The following PDE4D variants were observed in gnomAD, a reference collection of about 807,000 sequenced individuals.
PDE4D encodes the protein 3',5'-cyclic-AMP phosphodiesterase 4D.
In PDE4D, 24 loss-of-function variants were observed where a neutral mutation model predicts 87.4. The observed-to-expected ratio is 0.27, with a 90% CI of 0.20 to 0.39. PDE4D has a LOEUF of 0.39. Among genes scored for constraint, PDE4D ranks in the 10% least tolerant of loss-of-function variants. PDE4D has a pLI of 1.00. For missense variants in PDE4D, 714 were observed against 1,041.0 expected (o/e 0.69, Z 4.32); for synonymous variants, 384 against 383.2 (o/e 1.00, Z -0.02).
intron 1 of PDE4D, among the ~76,000 whole-genome samples, chr5:59,524,717 A>G (rs1437125864): frequency 6.6e-6 from 1 of 152,090 alleles, no homozygotes. Context: ...AGGAGGAAAG[A>G]CTTTATTTTG....
chr5:59,317,229 C>T (rs1457761178), intron 1 of PDE4D, among the ~76,000 whole-genome samples: 1 of 152,146 alleles, frequency 6.6e-6, no homozygotes, highest in Non-Finnish European at 1.5e-5. Flanking sequence ...GGGAAAACCC[C>T]AGCCAAGGAA....
intron 1 of PDE4D, among the ~76,000 whole-genome samples, chr5:59,385,038 C>T (rs1419665794): frequency 6.6e-6 from 1 of 152,160 alleles, no homozygotes; most frequent in Non-Finnish European, 1.5e-5. Context: ...AAATGGTACT[C>T]ATATCTGCCA....
intron 1 of PDE4D, among the ~76,000 whole-genome samples, chr5:59,761,003 A>G (rs1006684930): frequency 1.3e-5 from 2 of 152,152 alleles, no homozygotes; most frequent in South Asian, 4.1e-4. Context: ...TCATTAGGCA[A>G]TTTCATCATT....
chr5:59,261,895 GA>G (rs1762069859), intron 1 of PDE4D, among the ~76,000 whole-genome samples: 1 of 151,762 alleles, frequency 6.6e-6, no homozygotes, highest in Non-Finnish European at 1.5e-5. Context: ...AGGCCAGTAA[GA>G]AAAGAAAATA....
Position 60,459,849 on chromosome 5 carries a change from G to A in PDE4D, c.-90+28093C>T, listed in dbSNP as rs1454085385. ...AAAGTTGGAACCTATCAGTGTTCTA[G>A]TAATCTTTTCCTTCATCCTTCTCTC... On this transcript the variant is annotated intron_variant, in intron 1 of 16. Transcript: ENST00000502484. 6.6e-6 allele frequency: 4 copies of A among 608,192 alleles called. No individual in the cohort carries two copies. In the African/African-American group the frequency reaches 7.5e-5, roughly 11 times the overall value. 37.7% of individuals were successfully genotyped at this position (608,192 alleles called of 1,614,324 possible). A position where few individuals can be genotyped will look rare whatever the true frequency, so the allele number is the denominator to read the frequency against.
intron 1 of PDE4D, among the ~76,000 whole-genome samples, chr5:59,590,121 A>C (rs1447474124): frequency 6.6e-6 from 1 of 152,210 alleles, no homozygotes; most frequent in African/African-American, 2.4e-5. Flanking sequence ...TTGCTTAGAA[A>C]ATAGAAATAA....
intron 2 of PDE4D, among the ~76,000 whole-genome samples, chr5:60,099,616 A>C (rs1287801549): frequency 6.6e-6 from 1 of 151,986 alleles, no homozygotes; most frequent in Non-Finnish European, 1.5e-5. Context: ...AGAAAGAAAA[A>C]CAAATGGTTA....
chr5:59,609,355 A>G (rs1271368114), intron 1 of PDE4D, among the ~76,000 whole-genome samples: 1 of 116,338 alleles, frequency 8.6e-6, no homozygotes, highest in Non-Finnish European at 1.9e-5. Flanking sequence ...AGAAACACGT[A>G]TATCTCTCTA....
chr5:60,014,091 T>C (rs569693027), intron 2 of PDE4D, among the ~76,000 whole-genome samples: 36 of 96,458 alleles, frequency 3.7e-4, no homozygotes, highest in African/African-American at 1.4e-3. Flanking sequence ...GACTCCACCT[T>C]AAAAAAAAAA....
intron 1 of PDE4D, among the ~76,000 whole-genome samples, chr5:59,877,479 TAAAAAAAAAAAA>T (rs70975344): frequency 9.8e-6 from 1 of 102,396 alleles, no homozygotes; most frequent in Non-Finnish European, 2.0e-5. Context: ...TGCCAGAACC[TAAAAAAAAAAAA>T]AAAAAAAAAG....
intron 1 of PDE4D, among the ~76,000 whole-genome samples, chr5:60,430,535 GTTT>G (rs367558098): frequency 6.2e-5 from 8 of 128,104 alleles, no homozygotes; most frequent in Non-Finnish European, 1.0e-4. Flanking sequence ...TTTGTGTTTT[GTTT>G]TTTTTTGTTT....
chr5:60,444,956 T>C (rs1745528796), intron 1 of PDE4D, among the ~76,000 whole-genome samples: 1 of 151,550 alleles, frequency 6.6e-6, no homozygotes, highest in Non-Finnish European at 1.5e-5. Context: ...ACAAACACTC[T>C]GAAGTTCAGA....
At chr5:59,929,319 G>A (rs1755634297) in intron 3 of PDE4D, among the ~76,000 whole-genome samples, 1 of 139,332 alleles carries the variant, frequency 7.2e-6, no homozygotes, top group South Asian at 2.3e-4. Context: ...AATCTCTGAG[G>A]AACCCAATCT....
intron 1 of PDE4D, among the ~76,000 whole-genome samples, chr5:59,344,758 G>T (rs746550628): frequency 5.9e-5 from 9 of 151,984 alleles, no homozygotes; most frequent in African/African-American, 9.7e-5. Context: ...GTGATATATT[G>T]TTTCACATCA....
chr5:59,356,921 C>T (rs1582136285), intron 1 of PDE4D: 1 of 1,448,778 alleles, frequency 6.9e-7, no homozygotes, highest in Non-Finnish European at 9.0e-7. Flanking sequence ...GCCCTGAGGC[C>T]CCGCACGGAG....
chr5:59,955,448 T>C (rs1758722857), intron 3 of PDE4D, among the ~76,000 whole-genome samples: 1 of 152,022 alleles, frequency 6.6e-6, no homozygotes, highest in African/African-American at 2.4e-5. Context: ...TGCTGCCCCA[T>C]CCAAATCCAT....
At chr5:59,780,743 G>A (rs1053899888) in intron 1 of PDE4D, among the ~76,000 whole-genome samples, 1 of 152,210 alleles carries the variant, frequency 6.6e-6, no homozygotes, top group African/African-American at 2.4e-5. Context: ...TGACAGCAGT[G>A]TTGCTGCAGC....
intron 2 of PDE4D, among the ~76,000 whole-genome samples, chr5:60,124,245 T>C (rs903399089): frequency 2.0e-5 from 3 of 152,176 alleles, no homozygotes; most frequent in Non-Finnish European, 2.9e-5. Flanking sequence ...GTGATTGTTT[T>C]AATAAAATGC....
At chr5:60,369,537 C>T (rs895367526) in intron 1 of PDE4D, among the ~76,000 whole-genome samples, 16 of 152,176 alleles carry the variant, frequency 1.1e-4, no homozygotes, top group Admixed American at 7.2e-4. Flanking sequence ...CAGAGAGAGG[C>T]GGGATGCAGA....
Sources: allele counts gnomAD v4.1 joint callset (sites outside exome capture counted in the v4.1 genomes callset), GRCh38; gene constraint gnomAD v4.1.1; transcripts MANE v1.5; gene names NCBI Gene and HGNC (gene_info 2026-07-23, HGNC 2026-07-21).